The following MTHFD1L variants were observed in gnomAD, a reference collection of about 807,000 sequenced individuals.
MTHFD1L encodes methylenetetrahydrofolate dehydrogenase (NADP+ dependent) 1 like.
In MTHFD1L, 81 loss-of-function variants were observed where a neutral mutation model predicts 119.5. The ratio of observed to expected loss-of-function variants is 0.68; its 90% confidence interval spans 0.57 to 0.82. The LOEUF is 0.82. Among genes scored for constraint, MTHFD1L ranks in the 40% least tolerant of loss-of-function variants. The probability of loss-of-function intolerance (pLI) is 0.00; values close to 1 mark genes in which losing one functional copy is unlikely to be tolerated. For missense variants in MTHFD1L, 1,125 were observed against 1,253.4 expected (o/e 0.90, Z 1.55); for synonymous variants, 430 against 475.2 (o/e 0.90, Z 1.24).
chr6:151,035,195 C>T (rs138510206), intron 25 of MTHFD1L, among the ~76,000 whole-genome samples: 2,390 of 152,292 alleles, frequency 0.016, 63 homozygotes, highest in African/African-American at 0.054. Flanking sequence ...TGTGATCTGA[C>T]AGCATGCATC....
chr6:151,052,728 G>A (rs559124754), intron 26 of MTHFD1L, among the ~76,000 whole-genome samples: 2 of 152,230 alleles, frequency 1.3e-5, no homozygotes, highest in African/African-American at 2.4e-5. Flanking sequence ...CTAGCAGCCT[G>A]TGTGAATGAT....
intron 10 of MTHFD1L, among the ~76,000 whole-genome samples, chr6:150,925,572 A>G (rs1398159143): frequency 2.0e-5 from 3 of 152,210 alleles, no homozygotes; most frequent in Non-Finnish European, 4.4e-5. Flanking sequence ...ATTTTGAAAT[A>G]TGATTTTAGA....
At chr6:150,990,019 C>G (rs779579472) in intron 20 of MTHFD1L, among the ~76,000 whole-genome samples, 31 of 152,214 alleles carry the variant, frequency 2.0e-4, no homozygotes, top group African/African-American at 4.8e-5. Context: ...TGGCTCACGC[C>G]TGTAATCTCA....
intron 26 of MTHFD1L, among the ~76,000 whole-genome samples, chr6:151,082,948 A>G (rs1315349234): frequency 1.3e-5 from 2 of 152,110 alleles, no homozygotes; most frequent in Non-Finnish European, 1.5e-5. Context: ...TCTGGTTCCC[A>G]TTACCCCTCA....
intron 13 of MTHFD1L, among the ~76,000 whole-genome samples, chr6:150,943,005 G>A (rs561641030): frequency 7.9e-5 from 12 of 152,204 alleles, no homozygotes; most frequent in Admixed American, 7.9e-4. Flanking sequence ...CTCAAAGGCC[G>A]GATGTGGTGG....
At chr6:150,895,700 CTT>C (rs1264577049) in intron 7 of MTHFD1L, among the ~76,000 whole-genome samples, 3 of 146,462 alleles carry the variant, frequency 2.0e-5, no homozygotes, top group Non-Finnish European at 4.5e-5. Context: ...TCATGAAAGA[CTT>C]TTAAAAGTGA....
chr6:151,059,972 A>G (rs146566960), intron 26 of MTHFD1L, among the ~76,000 whole-genome samples: 70 of 152,268 alleles, frequency 4.6e-4, no homozygotes, highest in African/African-American at 1.6e-3. Context: ...GGATATTGGG[A>G]TTTAAGGGAA....
At chr6:151,076,714 C>T (rs1792564795) in intron 26 of MTHFD1L, among the ~76,000 whole-genome samples, 1 of 151,778 alleles carries the variant, frequency 6.6e-6, no homozygotes, top group Admixed American at 6.6e-5. Flanking sequence ...AACTGGAACC[C>T]TCATACACTG....
chr6:151,055,221 G>C (rs370045004), intron 26 of MTHFD1L, among the ~76,000 whole-genome samples: 1 of 152,018 alleles, frequency 6.6e-6, no homozygotes, highest in Non-Finnish European at 1.5e-5. Flanking sequence ...AGCCTAGTTC[G>C]CGCCACTGGA....
intron 7 of MTHFD1L, among the ~76,000 whole-genome samples, chr6:150,893,793 C>T (rs962095573): frequency 3.3e-5 from 5 of 152,198 alleles, no homozygotes; most frequent in African/African-American, 4.8e-5. Flanking sequence ...CAGTCCGGCA[C>T]AACATTTGTG....
chr6:150,985,652 C>G (rs983893314), intron 20 of MTHFD1L, among the ~76,000 whole-genome samples: 13 of 115,586 alleles, frequency 1.1e-4, no homozygotes, highest in Admixed American at 2.3e-4. Context: ...CAGAGTGAGA[C>G]TCTGTCTCAA....
chr6:151,049,566 G>A (rs1289929023), intron 26 of MTHFD1L, among the ~76,000 whole-genome samples: 2 of 151,356 alleles, frequency 1.3e-5, no homozygotes, highest in East Asian at 3.9e-4. Context: ...GGAGGCTGAG[G>A]CAGGAGAATC....
chr6:151,077,838 C>T (rs1004550351), intron 26 of MTHFD1L, among the ~76,000 whole-genome samples: 24 of 151,814 alleles, frequency 1.6e-4, no homozygotes, highest in Non-Finnish European at 3.4e-4. Context: ...CCGAGGCGGG[C>T]GGAGCACGAG....
intron 8 of MTHFD1L, among the ~76,000 whole-genome samples, chr6:150,916,493 TTTTTTTGG>T (rs1787940545): frequency 4.1e-5 from 2 of 48,738 alleles, no homozygotes; most frequent in African/African-American, 8.1e-5. Context: ...TTTTTTTTTT[TTTTTTTGG>T]TATTTTTAGT....
intron 26 of MTHFD1L, among the ~76,000 whole-genome samples, chr6:151,089,578 G>A (rs1393683115): frequency 6.6e-6 from 1 of 152,226 alleles, no homozygotes; most frequent in Non-Finnish European, 1.5e-5. Flanking sequence ...ACTCCAGCCT[G>A]GGTGAGAGTG....
intron 26 of MTHFD1L, among the ~76,000 whole-genome samples, chr6:151,090,971 CCCATGCGACTGGGTGCAGCATCGTT>C (rs1794348110): frequency 9.8e-5 from 5 of 51,068 alleles, no homozygotes; most frequent in South Asian, 5.2e-4. Context: ...GCAGCATCGC[CCCATGCGACTGGGTGCAGCATCGTT>C]CCATGCGACT....
intron 8 of MTHFD1L, among the ~76,000 whole-genome samples, chr6:150,912,247 TTA>T (rs1448913509): frequency 1.3e-5 from 2 of 152,108 alleles, no homozygotes; most frequent in African/African-American, 2.4e-5. Context: ...GCATTTTACT[TTA>T]TATCCTACAA....
chr6:150,974,724 C>CTT (rs58490721), intron 20 of MTHFD1L, among the ~76,000 whole-genome samples: 32 of 144,602 alleles, frequency 2.2e-4, no homozygotes, highest in Non-Finnish European at 3.8e-4. Context: ...AATTCTCTTC[C>CTT]TTTTTTTTTT....
At chr6:150,928,296 CGTG>C (rs1226302146) in intron 11 of MTHFD1L, among the ~76,000 whole-genome samples, 6 of 151,704 alleles carry the variant, frequency 4.0e-5, no homozygotes, top group Non-Finnish European at 1.5e-5. Context: ...ATTAGCCAGG[CGTG>C]GTGGCAGGCA....
Sources: gnomAD v4.1 joint callset for allele counts (sites outside exome capture counted in the v4.1 genomes callset) on GRCh38, gnomAD v4.1.1 for gene constraint, MANE v1.5 for transcripts, NCBI Gene and HGNC (gene_info 2026-07-23, HGNC 2026-07-21) for gene names.